MTOR: variants seen among roughly 807,000 people sequenced by gnomAD.
MTOR encodes the protein mechanistic target of rapamycin kinase, also known as serine/threonine-protein kinase mTOR.
A neutral mutation model predicts 319.8 loss-of-function variants in MTOR; 70 were observed. That is an observed-to-expected ratio of 0.22 (90% CI 0.18 to 0.27). MTOR has a LOEUF of 0.27. MTOR is among the 10% of genes least tolerant of loss of function. MTOR has a pLI of 1.00. For missense variants in MTOR, 1,890 were observed against 3,274.4 expected (o/e 0.58, Z 10.32); for synonymous variants, 1,183 against 1,211.4 (o/e 0.98, Z 0.49).
intron 20 of MTOR, among the ~76,000 whole-genome samples, chr1:11,215,631 C>T (rs1168254966): frequency 6.6e-6 from 1 of 152,134 alleles, no homozygotes; most frequent in Non-Finnish European, 1.5e-5. Context: ...CTACTTAATG[C>T]ATGTTATAAA....
chr1:11,232,390 G>A (rs980725396), intron 16 of MTOR, 46 bp downstream of exon 16: 2 of 1,455,024 alleles, frequency 1.4e-6, no homozygotes, highest in Non-Finnish European at 1.9e-6. Context: ...AAAGTCCCTG[G>A]ACTCATGGGG....
chr1:11,169,980 T>G (rs1451543946), intron 28 of MTOR, among the ~76,000 whole-genome samples: 1 of 152,236 alleles, frequency 6.6e-6, no homozygotes, highest in African/African-American at 2.4e-5. Context: ...TCCCAATGTT[T>G]CCTGAGTAGA....
chr1:11,222,998 T>C (rs1345482663), intron 19 of MTOR, among the ~76,000 whole-genome samples: 2 of 151,892 alleles, frequency 1.3e-5, no homozygotes, highest in East Asian at 1.9e-4. Flanking sequence ...ATAGGAGGTA[T>C]ACAGTACTGT....
chr1:11,257,885 A>C (rs1322865452), intron 3 of MTOR, among the ~76,000 whole-genome samples: 4 of 152,024 alleles, frequency 2.6e-5, no homozygotes, highest in African/African-American at 9.7e-5. Flanking sequence ...TGAGGTGGGC[A>C]GATCACTTGA....
chr1:11,135,551 T>C (rs1165633469), intron 36 of MTOR, among the ~76,000 whole-genome samples: 1 of 152,216 alleles, frequency 6.6e-6, no homozygotes, highest in Non-Finnish European at 1.5e-5. Context: ...AAAAACATGT[T>C]AGCCAGGTGC....
chr1:11,159,487 C>G (rs1039284264), intron 29 of MTOR, among the ~76,000 whole-genome samples: 2 of 151,904 alleles, frequency 1.3e-5, no homozygotes, highest in African/African-American at 4.8e-5. Flanking sequence ...AATAAAAACA[C>G]AAAATTAGCT....
chr1:11,241,912 C>T (rs1265061702), intron 9 of MTOR, among the ~76,000 whole-genome samples: 2 of 152,080 alleles, frequency 1.3e-5, no homozygotes, highest in East Asian at 3.9e-4. Flanking sequence ...AAGGAAGGGG[C>T]CTTTTTTCTG....
chr1:11,173,018 G>A (rs1001690435), intron 28 of MTOR, among the ~76,000 whole-genome samples: 4 of 149,000 alleles, frequency 2.7e-5, no homozygotes, highest in Non-Finnish European at 5.9e-5. Flanking sequence ...TTTTGAGACC[G>A]AGTCTCACTC....
At chr1:11,145,331 C>A (rs1643895622) in intron 32 of MTOR, 4 of 427,008 alleles carry the variant, frequency 9.4e-6, no homozygotes, top group South Asian at 9.0e-5. Context: ...GGCTGTAAAA[C>A]CGAATCATGG....
Position 11,212,437 on chromosome 1 carries a change from G to A in MTOR, c.3436C>T (p.Leu1146=), listed in dbSNP as rs1285815214. 1 of 1,614,138 alleles carries A rather than the reference G, an allele frequency of 6.2e-7. No homozygotes were observed. Among genetic ancestry groups the A allele is most frequent in the Non-Finnish European group, 8.5e-7 (1 of 1,180,024 alleles). The change falls in exon 23 of 58, where the codon CTG becomes TTG. Residue 1146 remains leucine (L), a synonymous_variant. Transcript: ENST00000361445. This position sits in a 1 kb window ranked among gnomAD's most constrained non-coding sequence, Gnocchi z 4.1. ...CGGGAGGCATAGTCAGTGAAATCCAGGGACTCCGTCAGGCGGTCCACAGTC... is the reference window on the plus strand; with the variant it reads ...CGGGAGGCATAGTCAGTGAAATCCAAGGACTCCGTCAGGCGGTCCACAGTC... ...LETVDRLTES[L]DFTDYASRII...
chr1:11,118,471 G>A (rs1458640246), intron 49 of MTOR, among the ~76,000 whole-genome samples: 7 of 151,520 alleles, frequency 4.6e-5, no homozygotes, highest in Admixed American at 6.6e-5. Context: ...TCCTGACCTC[G>A]TGATCCGCCC....
In MTOR at chr1:11,247,810, A is replaced by G. The variant is rs1649048133; in HGVS notation, c.1116+9T>C. The G allele has an allele frequency of 6.2e-7, 1 of 1,610,514 alleles. No individual in the cohort carries two copies. Among genetic ancestry groups the G allele is most frequent in the African/African-American group, 1.3e-5 (1 of 74,962 alleles). On this transcript the variant is annotated intron_variant, in intron 7 of 57. Transcript: ENST00000361445. ...TAGGAAAAGAGGGAAAGGGCCTCTC[A>G]CCACTTACCTGATCAAATTTCTCCT...
At chr1:11,156,018 T>G (rs1018208207) in intron 30 of MTOR, among the ~76,000 whole-genome samples, 3 of 152,072 alleles carry the variant, frequency 2.0e-5, no homozygotes, top group African/African-American at 7.2e-5. Context: ...TGAGATAGAG[T>G]CTCGCTCTGT....
rs2100410253 is a variant in MTOR at position 11,127,856 on chromosome 1, G to T, written c.6034-50C>A. ...AAGCATCAAGAATCAGCTAACCTCAGAAAGGTCTGTTTTGGAGACACAGGA... is the reference window on the plus strand; with the variant it reads ...AAGCATCAAGAATCAGCTAACCTCATAAAGGTCTGTTTTGGAGACACAGGA... On this transcript the variant is annotated intron_variant, in intron 43 of 57. Coordinates refer to ENST00000361445, the MANE Select transcript of MTOR (RefSeq NM_004958.4). This position sits in a 1 kb window ranked among gnomAD's most constrained non-coding sequence, Gnocchi z 5.5. The T allele has an allele frequency of 6.3e-7, 1 of 1,594,376 alleles. No individual in the cohort carries two copies. The highest frequency in any genetic ancestry group is 8.5e-7 in the Non-Finnish European group (1 of 1,170,002).
chr1:11,128,102 C>T lies in MTOR; in HGVS notation c.5935G>A (p.Ala1979Thr), dbSNP rs2100414170. The change falls in exon 43 of 58, where the codon GCT becomes ACT. Residue 1979 changes from alanine (A) to threonine (T), a missense_variant. Transcript: ENST00000361445. The surrounding 1 kb of genome is among the most constrained non-coding windows in gnomAD (Gnocchi z 5.3). ...PQALIYPLTV[A>T]SKSTTTARHN... ...CGGGCTGTCGTGGTAGACTTAGAAG[C>T]CACTGTCAGTGGGTAGATGAGGGCC... 1 of 1,614,130 alleles carries T rather than the reference C, an allele frequency of 6.2e-7. No homozygotes were observed.
chr1:11,225,237 CA>C lies in MTOR; in HGVS notation c.3030+3430del, dbSNP rs1013167255. ...AATTTTTTATTTTAAATTTTCCCCC[CA>C]CATATCTTACGGTATGTAAGCTTTA... On this transcript the variant is annotated intron_variant, in intron 19 of 57. Transcript: ENST00000361445. Among the ~76,000 whole-genome samples, 138 of 152,076 alleles carry C rather than the reference CA, an allele frequency of 9.1e-4. 1 individual carries two copies. Among genetic ancestry groups the C allele is most frequent in the African/African-American group, 3.2e-3 (134 of 41,478 alleles).
At chr1:11,131,785 C>G (rs1055497278) in intron 38 of MTOR, 5 of 152,224 alleles carry the variant, frequency 3.3e-5, no homozygotes, top group African/African-American at 1.2e-4. Flanking sequence ...TAGGACACTA[C>G]GTGACCCATT....
In MTOR at chr1:11,258,599, AAAG is replaced by A. The variant is rs1557499886; in HGVS notation, c.163-9_163-7del. ...GTAGACTCCTCTTGACTCATCTGCA[AAAG>A]AAGATATAATCAGAACAATTTCTAA... is the stretch of plus-strand genomic sequence containing the variant. On this transcript the variant is annotated splice_region_variant and splice_polypyrimidine_tract_variant and intron_variant, in intron 2 of 57. Transcript: ENST00000361445. The A allele has an allele frequency of 6.3e-7, 1 of 1,599,880 alleles. No homozygotes were observed. Among genetic ancestry groups the A allele is most frequent in the South Asian group, 1.1e-5 (1 of 90,528 alleles).
intron 7 of MTOR, 32 bp from the exon 8 acceptor site, chr1:11,247,765 G>C (rs17229151): frequency 1.5e-4 from 241 of 1,613,782 alleles, no homozygotes; most frequent in Non-Finnish European, 1.5e-4. Context: ...GTTGGCAGGG[G>C]AAAAGTGAGG....
Sources: gnomAD v4.1 joint callset for allele counts (sites outside exome capture counted in the v4.1 genomes callset) on GRCh38, gnomAD v4.1.1 for gene constraint, Gnocchi (gnomAD v3.1) non-coding constraint, MANE v1.5 for transcripts, NCBI Gene and HGNC (gene_info 2026-07-23, HGNC 2026-07-21) for gene names.